MALRD1: variants seen among roughly 807,000 people sequenced by gnomAD.
The protein encoded by MALRD1 is MAM and LDL receptor class A domain containing 1, also known as MAM and LDL-receptor class A domain-containing protein 1.
A neutral mutation model predicts 242.1 loss-of-function variants in MALRD1; 247 were observed. The observed-to-expected ratio is 1.02, with a 90% CI of 0.92 to 1.13. MALRD1 has a LOEUF of 1.13. Among genes scored for constraint, MALRD1 ranks in the 50% most tolerant of loss-of-function variants. The pLI, the probability that MALRD1 is intolerant of heterozygous loss-of-function variation, is 0.00. For missense variants in MALRD1, 2,989 were observed against 2,533.1 expected (o/e 1.18, Z -3.86); for synonymous variants, 995 against 866.6 (o/e 1.15, Z -2.60).
chr10:19,549,345 G>A (rs934364336), intron 32 of MALRD1, among the ~76,000 whole-genome samples: 8 of 152,186 alleles, frequency 5.3e-5, no homozygotes, highest in East Asian at 1.9e-4. Context: ...TGGGTAAAAC[G>A]CTATCAAATA....
At chr10:19,439,025 G>C (rs561737595) in intron 28 of MALRD1, among the ~76,000 whole-genome samples, 2 of 151,264 alleles carry the variant, frequency 1.3e-5, no homozygotes, top group African/African-American at 4.9e-5. Flanking sequence ...AGCATGATGA[G>C]GTCATAGATA....
At chr10:19,726,975 G>C (rs1293988431) in intron 38 of MALRD1, among the ~76,000 whole-genome samples, 1 of 152,152 alleles carries the variant, frequency 6.6e-6, no homozygotes, top group East Asian at 1.9e-4. Flanking sequence ...TGGCCATGGA[G>C]CTTCAGTTCA....
At chr10:19,206,121 A>G (rs539195479) in intron 17 of MALRD1, among the ~76,000 whole-genome samples, 1 of 151,366 alleles carries the variant, frequency 6.6e-6, no homozygotes, top group Non-Finnish European at 1.5e-5. Flanking sequence ...TAAGTAAATT[A>G]TTTCTTTTAT....
chr10:19,670,784 T>G (rs1400660579), intron 36 of MALRD1, among the ~76,000 whole-genome samples: 4 of 152,200 alleles, frequency 2.6e-5, no homozygotes, highest in Non-Finnish European at 2.9e-5. Context: ...GGAGTTTATC[T>G]TTTGTGCTGC....
chr10:19,539,659 A>G (rs138926637), intron 32 of MALRD1, among the ~76,000 whole-genome samples: 44 of 152,050 alleles, frequency 2.9e-4, no homozygotes, highest in Admixed American at 8.5e-4. Context: ...CATGCCACGC[A>G]ATCCTTTTGT....
intron 26 of MALRD1, among the ~76,000 whole-genome samples, chr10:19,384,655 T>C (rs1360569824): frequency 7.4e-6 from 1 of 134,466 alleles, no homozygotes; most frequent in African/African-American, 2.7e-5. Context: ...ATATATAATA[T>C]AATATTTACT....
At chr10:19,390,139 T>C (rs909166566) in intron 28 of MALRD1, among the ~76,000 whole-genome samples, 23 of 152,222 alleles carry the variant, frequency 1.5e-4, no homozygotes, top group Non-Finnish European at 3.1e-4. Flanking sequence ...TCCCAGAGAC[T>C]CATTATATAA....
intron 18 of MALRD1, among the ~76,000 whole-genome samples, chr10:19,256,887 C>A (rs1158163837): frequency 2.0e-5 from 3 of 152,052 alleles, no homozygotes; most frequent in Admixed American, 2.0e-4. Context: ...ATGTATTTTT[C>A]TAAGTTTGAG....
chr10:19,508,370 A>G (rs1383299452), intron 31 of MALRD1, among the ~76,000 whole-genome samples: 1 of 152,210 alleles, frequency 6.6e-6, no homozygotes, highest in South Asian at 2.1e-4. Context: ...ATGTTGTCTC[A>G]TTTAATATTT....
chr10:19,619,704 C>T (rs1839317420), intron 36 of MALRD1, among the ~76,000 whole-genome samples: 1 of 152,020 alleles, frequency 6.6e-6, no homozygotes, highest in South Asian at 2.1e-4. Flanking sequence ...GACATCATTG[C>T]ATTGCAAGTT....
intron 14 of MALRD1, among the ~76,000 whole-genome samples, chr10:19,181,385 A>G (rs1835497786): frequency 6.6e-6 from 1 of 152,230 alleles, no homozygotes; most frequent in Non-Finnish European, 1.5e-5. Context: ...CCTTAAAAAA[A>G]GAGATTCTGC....
At chr10:19,621,940 C>A (rs559078963) in intron 36 of MALRD1, among the ~76,000 whole-genome samples, 1 of 151,628 alleles carries the variant, frequency 6.6e-6, no homozygotes, top group Non-Finnish European at 1.5e-5. Flanking sequence ...GTGAAAAAGT[C>A]TTTGAAAAAA....
At chr10:19,637,475 T>C (rs1840190170) in intron 36 of MALRD1, among the ~76,000 whole-genome samples, 1 of 152,114 alleles carries the variant, frequency 6.6e-6, no homozygotes, top group Non-Finnish European at 1.5e-5. Flanking sequence ...CATAGAGAGG[T>C]TCAGAAGCTT....
At chr10:19,563,826 G>A (rs973689920) in intron 32 of MALRD1, among the ~76,000 whole-genome samples, 1 of 152,220 alleles carries the variant, frequency 6.6e-6, no homozygotes, top group African/African-American at 2.4e-5. Flanking sequence ...ATATTGAGGT[G>A]TAATTCCCAA....
chr10:19,295,263 C>T (rs1402058389), intron 21 of MALRD1, among the ~76,000 whole-genome samples: 2 of 151,620 alleles, frequency 1.3e-5, no homozygotes, highest in Non-Finnish European at 2.9e-5. Flanking sequence ...GTCTCAATTA[C>T]TCCTCAAAAA....
At chr10:19,428,670 A>G (rs1339030325) in intron 28 of MALRD1, among the ~76,000 whole-genome samples, 2 of 150,600 alleles carry the variant, frequency 1.3e-5, no homozygotes, top group African/African-American at 5.0e-5. Context: ...TCTTTCAATC[A>G]TTTGAAATGT....
intron 38 of MALRD1, among the ~76,000 whole-genome samples, chr10:19,701,594 G>C (rs1205910285): frequency 1.3e-5 from 2 of 152,084 alleles, no homozygotes; most frequent in South Asian, 4.2e-4. Flanking sequence ...AGTAGCAAAA[G>C]ATGAGATTTG....
At chr10:19,196,330 T>C (rs552644638) in intron 14 of MALRD1, among the ~76,000 whole-genome samples, 6 of 152,302 alleles carry the variant, frequency 3.9e-5, no homozygotes, top group African/African-American at 1.4e-4. Flanking sequence ...TTCACTTTCT[T>C]TAAACTTTCT....
intron 32 of MALRD1, among the ~76,000 whole-genome samples, chr10:19,537,822 T>C (rs1834757691): frequency 6.6e-6 from 1 of 152,120 alleles, no homozygotes; most frequent in Admixed American, 6.6e-5. Flanking sequence ...TACCTTCTAA[T>C]ACCATCACCT....
Sources: gnomAD v4.1 joint callset for allele counts (sites outside exome capture counted in the v4.1 genomes callset) on GRCh38, gnomAD v4.1.1 for gene constraint, MANE v1.5 for transcripts, NCBI Gene and HGNC (gene_info 2026-07-23, HGNC 2026-07-21) for gene names.